CAPS2: variants seen among roughly 807,000 people sequenced by gnomAD.
CAPS2 encodes calcyphosine 2, also known as calcyphosin-2.
In CAPS2, 98 loss-of-function variants were observed where a neutral mutation model predicts 86.5. The ratio of observed to expected loss-of-function variants is 1.13; its 90% CI spans 0.96 to 1.34. CAPS2 has a LOEUF of 1.34. Among genes scored for constraint, CAPS2 ranks in the 40% most tolerant of loss-of-function variants. The probability of loss-of-function intolerance (pLI) is 0.00; values close to 1 mark genes in which losing one functional copy is unlikely to be tolerated. For synonymous variants in CAPS2, 210 were observed against 225.1 expected (o/e 0.93, Z 0.60); for missense variants, 729 against 686.8 (o/e 1.06, Z -0.69).
chr12:75,357,267 G>A (rs1403489790), intron 1 of CAPS2, among the ~76,000 whole-genome samples: 1 of 152,074 alleles, frequency 6.6e-6, no homozygotes, highest in East Asian at 1.9e-4. Flanking sequence ...TATTATCAGA[G>A]ATAAATTTCA....
upstream of CAPS2, chr12:75,334,670 G>A: frequency 1.3e-6 from 2 of 1,564,706 alleles, no homozygotes; most frequent in Non-Finnish European, 1.7e-6. Context: ...AAATCGGGTT[G>A]CCCCAGCCGT....
chr12:75,369,032 T>C (rs2044181990), intron 1 of CAPS2, among the ~76,000 whole-genome samples: 1 of 151,948 alleles, frequency 6.6e-6, no homozygotes, highest in South Asian at 2.1e-4. Context: ...TTGATCAATC[T>C]TTATCAGAAA....
At chr12:75,302,772 T>C (rs564025726) in intron 8 of CAPS2, among the ~76,000 whole-genome samples, 117 of 152,302 alleles carry the variant, frequency 7.7e-4, no homozygotes, top group African/African-American at 2.6e-3. Flanking sequence ...TATATACATA[T>C]GGAAAAGTAC....
chr12:75,330,770 C>T (rs1256725327), upstream of CAPS2, among the ~76,000 whole-genome samples: 1 of 150,596 alleles, frequency 6.6e-6, no homozygotes, highest in African/African-American at 2.4e-5. Flanking sequence ...ATCAAGAAAC[C>T]TGCATTTTAT....
chr12:75,342,445 T>A (rs137960943), intron 1 of CAPS2, among the ~76,000 whole-genome samples: 44 of 152,296 alleles, frequency 2.9e-4, no homozygotes, highest in African/African-American at 9.9e-4. Flanking sequence ...TATAATTAGT[T>A]AAAAATAAAA....
At chr12:75,310,097 G>C (rs2038980464) in intron 7 of CAPS2, among the ~76,000 whole-genome samples, 1 of 152,140 alleles carries the variant, frequency 6.6e-6, no homozygotes, top group African/African-American at 2.4e-5. Context: ...CTAGGCAATG[G>C]GAGTGTAATA....
intron 1 of CAPS2, among the ~76,000 whole-genome samples, chr12:75,357,063 T>C (rs972666271): frequency 1.4e-4 from 22 of 152,156 alleles, no homozygotes; most frequent in African/African-American, 5.3e-4. Context: ...TGGTGGCACA[T>C]GCCTGTAGTT....
downstream of CAPS2, chr12:75,276,235 C>T: frequency 6.5e-7 from 1 of 1,543,142 alleles, no homozygotes; most frequent in Non-Finnish European, 8.8e-7. Context: ...CATGTTTGTC[C>T]TTGCTGGTCA....
intron 1 of CAPS2, among the ~76,000 whole-genome samples, chr12:75,379,181 T>A (rs185262337): frequency 1.2e-4 from 19 of 152,344 alleles, no homozygotes; most frequent in Non-Finnish European, 1.0e-4. Flanking sequence ...ATTTAAAATT[T>A]AAAATTTTTT....
intron 1 of CAPS2, chr12:75,390,804 C>A (rs1221984663): frequency 3.5e-6 from 2 of 566,738 alleles, no homozygotes; most frequent in Non-Finnish European, 6.9e-6. Context: ...GATAACATTT[C>A]ACTACATTAG....
At chr12:75,285,032 C>A (rs1257660719) in exon 15 of CAPS2, 3 of 1,611,412 alleles carry the variant, frequency 1.9e-6, no homozygotes, top group Non-Finnish European at 2.5e-6. Context: ...CCATAATCAA[C>A]CTTGCCATTG....
intron 7 of CAPS2, among the ~76,000 whole-genome samples, chr12:75,309,489 T>C (rs762328396): frequency 5.3e-5 from 8 of 152,202 alleles, no homozygotes; most frequent in Non-Finnish European, 1.2e-4. Context: ...AATCTTGCCC[T>C]CTCTGGCTTT....
chr12:75,377,331 T>C (rs1018217835), intron 1 of CAPS2, among the ~76,000 whole-genome samples: 5 of 152,156 alleles, frequency 3.3e-5, no homozygotes, highest in Non-Finnish European at 5.9e-5. Context: ...GATATGTGCA[T>C]ATATGGAAGG....
At chr12:75,374,400 C>T (rs925531707) in intron 1 of CAPS2, among the ~76,000 whole-genome samples, 1 of 152,144 alleles carries the variant, frequency 6.6e-6, no homozygotes, top group Admixed American at 6.5e-5. Context: ...GTAGGAGTGG[C>T]CAAATGCAAC....
At chr12:75,350,147 C>T (rs1473787548) in intron 1 of CAPS2, among the ~76,000 whole-genome samples, 1 of 152,212 alleles carries the variant, frequency 6.6e-6, no homozygotes, top group Non-Finnish European at 1.5e-5. Context: ...CTTCTTTAAG[C>T]GAGACCCTGA....
At chr12:75,365,011 T>A (rs2043871545) in intron 1 of CAPS2, 1 of 152,276 alleles carries the variant, frequency 6.6e-6, no homozygotes, top group Admixed American at 6.5e-5. Flanking sequence ...ACCAGCTGTT[T>A]AGGCATCTGT....
chr12:75,347,796 T>C (rs1267209180), intron 1 of CAPS2: 1 of 840,408 alleles, frequency 1.2e-6, no homozygotes, highest in Non-Finnish European at 1.9e-6. Flanking sequence ...GAGGACCTTA[T>C]ACTAGACACA....
chr12:75,336,428 C>G (rs926035684), intron 1 of CAPS2, among the ~76,000 whole-genome samples: 2 of 151,514 alleles, frequency 1.3e-5, no homozygotes, highest in African/African-American at 4.8e-5. Flanking sequence ...GCTTTTGTAA[C>G]AGAAACATAT....
At chr12:75,317,312 T>G (rs2039871715) in intron 5 of CAPS2, among the ~76,000 whole-genome samples, 1 of 152,148 alleles carries the variant, frequency 6.6e-6, no homozygotes, top group Non-Finnish European at 1.5e-5. Flanking sequence ...AAAATCAATT[T>G]ATGAAGATAC....
Sources: gnomAD v4.1 joint callset for allele counts (sites outside exome capture counted in the v4.1 genomes callset) on GRCh38, gnomAD v4.1.1 for gene constraint, MANE v1.5 for transcripts, NCBI Gene and HGNC (gene_info 2026-07-23, HGNC 2026-07-21) for gene names.